Variants in TASP1 observed in about 807,000 individuals in gnomAD.
The protein encoded by TASP1 is taspase 1, also known as threonine aspartase 1.
Under a neutral mutation model 56.6 loss-of-function variants are expected in TASP1, and 16 were observed. That is an observed-to-expected ratio of 0.28 (90% confidence interval 0.19 to 0.43). The LOEUF is 0.43. Ranked by LOEUF, TASP1 falls within the 20% of genes least tolerant of loss-of-function variation. TASP1 has a pLI of 1.00. For synonymous variants in TASP1, 179 were observed against 184.2 expected, an observed-to-expected ratio of 0.97 and a Z score of 0.23; for missense variants, 393 against 511.6, an observed-to-expected ratio of 0.77 and a Z score of 2.24.
chr20:13,403,593 CT>C (rs2041816697), intron 13 of TASP1, among the ~76,000 whole-genome samples: 1 of 152,132 alleles, frequency 6.6e-6, no homozygotes, highest in Non-Finnish European at 1.5e-5. Context: ...CTTGCCCCGG[CT>C]TATAAAGCAG....
chr20:13,522,861 C>T (rs2044818452), intron 10 of TASP1, among the ~76,000 whole-genome samples: 1 of 152,026 alleles, frequency 6.6e-6, no homozygotes, highest in African/African-American at 2.4e-5. Context: ...ACAAAGGAGA[C>T]TAAGAAGGAG....
At chr20:13,605,480 C>G (rs532182672) in intron 4 of TASP1, among the ~76,000 whole-genome samples, 2 of 152,150 alleles carry the variant, frequency 1.3e-5, no homozygotes, top group South Asian at 4.2e-4. Context: ...CGGTTTGAGA[C>G]CAGCCTGGGC....
chr20:13,433,814 C>T (rs1351110860), intron 12 of TASP1, among the ~76,000 whole-genome samples: 1 of 148,642 alleles, frequency 6.7e-6, no homozygotes, highest in Non-Finnish European at 1.5e-5. Flanking sequence ...TACCACAACC[C>T]CCGTGGATGA....
intron 11 of TASP1, among the ~76,000 whole-genome samples, chr20:13,463,582 C>T (rs963697566): frequency 2.6e-5 from 4 of 152,098 alleles, no homozygotes; most frequent in East Asian, 1.9e-4. Flanking sequence ...TATGGAATAA[C>T]AGAAAATATC....
Position 13,562,679 on chromosome 20 carries a change from C to T in TASP1, c.569-3565G>A, listed in dbSNP as rs570946015. ...ATCACTTGAATACAGGAGTTCGAGACCAGCCTGGGCAACATGGTGAAACCC... is the reference window on the plus strand; with the variant it reads ...ATCACTTGAATACAGGAGTTCGAGATCAGCCTGGGCAACATGGTGAAACCC... On this transcript the variant is annotated intron_variant, in intron 7 of 13. Coordinates refer to ENST00000337743, the MANE Select transcript of TASP1 (RefSeq NM_017714.3). Among the ~76,000 whole-genome samples the T allele has an allele frequency of 3.6e-4, 54 of 151,838 alleles. 3 individuals are homozygous for T. The highest frequency in any genetic ancestry group is 1.3e-3 in the African/African-American group (53 of 41,418).
At chr20:13,605,958 C>T (rs565991448) in intron 4 of TASP1, among the ~76,000 whole-genome samples, 7 of 152,092 alleles carry the variant, frequency 4.6e-5, no homozygotes, top group Non-Finnish European at 5.9e-5. Context: ...ACTTACTCTC[C>T]GCATTCTTCT....
chr20:13,315,297 A>T, the TASP1 span, among the ~76,000 whole-genome samples: 3 of 152,042 alleles, frequency 2.0e-5, no homozygotes, highest in Admixed American at 2.0e-4. Flanking sequence ...TGCTGTCTAC[A>T]AGGAATCCAC....
chr20:13,448,107 T>C (rs1219813433), intron 11 of TASP1, among the ~76,000 whole-genome samples: 4 of 152,176 alleles, frequency 2.6e-5, no homozygotes, highest in Non-Finnish European at 4.4e-5. Context: ...ACAATTACAA[T>C]TTTTAATTTT....
intron 11 of TASP1, among the ~76,000 whole-genome samples, chr20:13,458,228 C>CA (rs1411136764): frequency 2.0e-5 from 3 of 152,262 alleles, no homozygotes; most frequent in Non-Finnish European, 4.4e-5. Context: ...TTAACAAGAG[C>CA]AAGTTCTACA....
the TASP1 span, among the ~76,000 whole-genome samples, chr20:13,380,247 A>G: frequency 6.6e-6 from 1 of 152,130 alleles, no homozygotes; most frequent in Non-Finnish European, 1.5e-5. Flanking sequence ...TGACCTTCAC[A>G]TGGAGTTTTT....
chr20:13,491,621 C>T (rs375514432), intron 10 of TASP1, among the ~76,000 whole-genome samples: 2 of 152,022 alleles, frequency 1.3e-5, no homozygotes, highest in South Asian at 4.1e-4. Context: ...TTGTGACAGC[C>T]CAACAAAATC....
the TASP1 span, among the ~76,000 whole-genome samples, chr20:13,113,049 G>A: frequency 1.3e-5 from 2 of 151,978 alleles, no homozygotes; most frequent in African/African-American, 4.8e-5. Context: ...CAGGTGTGGT[G>A]GTGCACTCCC....
At chr20:13,196,230 A>T in the TASP1 span, among the ~76,000 whole-genome samples, 1 of 152,164 alleles carries the variant, frequency 6.6e-6, no homozygotes, top group Non-Finnish European at 1.5e-5. Context: ...TATTAAACTA[A>T]CCATCAAACT....
chr20:13,511,379 T>G (rs8115098), intron 10 of TASP1, among the ~76,000 whole-genome samples: 37,019 of 151,690 alleles, frequency 0.24, 4,621 homozygotes, highest in Middle Eastern at 0.3. Flanking sequence ...AACCCTGGAG[T>G]CTTCCTACCT....
At chr20:13,283,627 G>A in the TASP1 span, among the ~76,000 whole-genome samples, 7 of 152,230 alleles carry the variant, frequency 4.6e-5, no homozygotes, top group African/African-American at 1.7e-4. Flanking sequence ...GTATGTGTTT[G>A]AGATGCTGCA....
At chr20:13,194,914 T>G in the TASP1 span, among the ~76,000 whole-genome samples, 1 of 152,092 alleles carries the variant, frequency 6.6e-6, no homozygotes, top group African/African-American at 2.4e-5. Flanking sequence ...GGGATGAATT[T>G]CATCTAAAAT....
At chr20:13,272,763 T>C in the TASP1 span, among the ~76,000 whole-genome samples, 51 of 152,332 alleles carry the variant, frequency 3.3e-4, 1 homozygote, top group South Asian at 0.011. Flanking sequence ...CCCTTTGGAA[T>C]AGGTGCAGAT....
At chr20:13,255,943 A>T in the TASP1 span, among the ~76,000 whole-genome samples, 3 of 150,626 alleles carry the variant, frequency 2.0e-5, no homozygotes, top group Non-Finnish European at 3.0e-5. Context: ...TTTTGGTGTG[A>T]CTGCAGTTAT....
At chr20:13,288,595 C>A in the TASP1 span, 1 of 1,613,910 alleles carries the variant, frequency 6.2e-7, no homozygotes, top group Non-Finnish European at 8.5e-7. Context: ...GCGTCACCTG[C>A]GGGAACGGCA....
Sources: allele counts gnomAD v4.1 joint callset (sites outside exome capture counted in the v4.1 genomes callset), GRCh38; gene constraint gnomAD v4.1.1; transcripts MANE v1.5; gene names NCBI Gene and HGNC (gene_info 2026-07-23, HGNC 2026-07-21).